CLEC2B: variants seen among roughly 807,000 people sequenced by gnomAD.
The protein encoded by CLEC2B is C-type lectin domain family 2 member B.
A neutral mutation model predicts 16.2 loss-of-function variants in CLEC2B; 14 were observed. The ratio of observed to expected loss-of-function variants is 0.86; its 90% CI spans 0.57 to 1.35. The LOEUF (loss-of-function observed/expected upper bound fraction) is 1.35, where lower values mean the gene tolerates loss of function less well. CLEC2B is among the 40% of genes most tolerant of loss of function. CLEC2B has a pLI of 0.00. For missense variants in CLEC2B, 166 were observed against 182.3 expected (o/e 0.91, Z 0.52); for synonymous variants, 42 against 55.8 (o/e 0.75, Z 1.10).
chr12:9,868,077 ATATG>A (rs919644075), intron 1 of CLEC2B, among the ~76,000 whole-genome samples: 2 of 150,494 alleles, frequency 1.3e-5, no homozygotes, highest in African/African-American at 2.4e-5. Context: ...TTTCAGATAT[ATATG>A]TATCTATAAT....
At chr12:9,865,463 A>T (rs1207642753) in intron 1 of CLEC2B, among the ~76,000 whole-genome samples, 1 of 152,210 alleles carries the variant, frequency 6.6e-6, no homozygotes, top group African/African-American at 2.4e-5. Flanking sequence ...GCAAGAGGAT[A>T]TGACAGTTCT....
At chr12:9,863,750 G>A (rs995452635) in intron 1 of CLEC2B, among the ~76,000 whole-genome samples, 1 of 151,614 alleles carries the variant, frequency 6.6e-6, no homozygotes, top group Non-Finnish European at 1.5e-5. Context: ...AAATACACAA[G>A]GAAAGGAGAA....
intron 1 of CLEC2B, among the ~76,000 whole-genome samples, chr12:9,867,697 T>C (rs75257612): frequency 0.026 from 3,921 of 152,244 alleles, 69 homozygotes; most frequent in Middle Eastern, 0.044. Context: ...GATGAGGCTA[T>C]GCTTAAAAGG....
In CLEC2B at chr12:9,862,578, A is replaced by G. The variant is rs253146; in HGVS notation, c.-2-5T>C. On this transcript the variant is annotated splice_polypyrimidine_tract_variant and splice_region_variant and intron_variant, in intron 1 of 4. Coordinates refer to ENST00000228438, the MANE Select transcript of CLEC2B (RefSeq NM_005127.3). Reference sequence around the variant, plus strand: ...TTTTATGTTTGGTCATCATACCTGAAAAATAAAAATAAAGACATTTAGGAG... The same window carrying G: ...TTTTATGTTTGGTCATCATACCTGAGAAATAAAAATAAAGACATTTAGGAG... 831,753 of 1,444,592 alleles carry G rather than the reference A, an allele frequency of 0.58. 241,679 individuals carry two copies. Among genetic ancestry groups the G allele is most frequent in the African/African-American group, 0.65 (43,976 of 67,740 alleles). The allele number at this position is 1,444,592 out of a possible 1,614,324, so 89.5% of individuals were successfully genotyped here. A position where few individuals can be genotyped will look rare whatever the true frequency, so the allele number is the denominator to read the frequency against.
At chr12:9,864,996 A>G (rs1429353278) in intron 1 of CLEC2B, among the ~76,000 whole-genome samples, 1 of 152,090 alleles carries the variant, frequency 6.6e-6, no homozygotes, top group Non-Finnish European at 1.5e-5. Context: ...TAGCCTGTCC[A>G]ACATAACGAA....
chr12:9,862,392 T>C, intron 2 of CLEC2B, 107 bp downstream of exon 2: 1 of 989,824 alleles, frequency 1.0e-6, no homozygotes, highest in Middle Eastern at 2.4e-4. Context: ...TGTTATCATG[T>C]ATAATGGGAA....
chr12:9,853,250 T>C lies in CLEC2B; in HGVS notation c.*50A>G. 1.4e-6 allele frequency: 2 copies of C among 1,402,688 alleles called. No individual in the cohort carries two copies. Among genetic ancestry groups the C allele is most frequent in the Non-Finnish European group, 2.0e-6 (2 of 994,644 alleles). 86.9% of individuals were successfully genotyped at this position (1,402,688 alleles called of 1,614,324 possible). Reference sequence around the variant, plus strand: ...AATTAAAAAAGTACTTTGCTGGTTTTACACTTAATAATGTTATTTTCTATT... The same window carrying C: ...AATTAAAAAAGTACTTTGCTGGTTTCACACTTAATAATGTTATTTTCTATT... On this transcript the variant is annotated 3_prime_UTR_variant, in exon 5 of 5. Transcript: ENST00000228438.
In CLEC2B at chr12:9,853,230, A is replaced by T; in HGVS notation, c.*70T>A. 8.1e-7 allele frequency: 1 copy of T among 1,239,454 alleles called. No homozygotes were observed. Among genetic ancestry groups the T allele is most frequent in the South Asian group, 1.3e-5 (1 of 79,676 alleles). 76.8% of individuals were successfully genotyped at this position (1,239,454 alleles called of 1,614,324 possible). On this transcript the variant is annotated 3_prime_UTR_variant, in exon 5 of 5. Transcript: ENST00000228438. ...ACAAAACTCGAACTTTGTTTAATTA[A>T]AAAAGTACTTTGCTGGTTTTACACT... is the stretch of plus-strand genomic sequence containing the variant.
At chr12:9,854,246 TATA>T (rs1407469898) in intron 4 of CLEC2B, 132 bp downstream of exon 4, 32 of 562,762 alleles carry the variant, frequency 5.7e-5, no homozygotes, top group African/African-American at 1.2e-4. Context: ...TGAATCTCAA[TATA>T]TATTCAATCC....
chr12:9,856,373 C>T (rs776231514), intron 3 of CLEC2B, among the ~76,000 whole-genome samples: 2 of 152,048 alleles, frequency 1.3e-5, no homozygotes, highest in African/African-American at 2.4e-5. Flanking sequence ...TCAGCAGTGA[C>T]GTTATTGACT....
chr12:9,865,981 A>G (rs1430041191), intron 1 of CLEC2B, among the ~76,000 whole-genome samples: 2 of 152,130 alleles, frequency 1.3e-5, no homozygotes, highest in African/African-American at 4.8e-5. Context: ...ATAAACTAAA[A>G]TCTGTGGAAT....
At chr12:9,861,815 T>C (rs1014457767) in intron 2 of CLEC2B, among the ~76,000 whole-genome samples, 3 of 152,152 alleles carry the variant, frequency 2.0e-5, no homozygotes, top group African/African-American at 7.2e-5. Context: ...AAATGAACAA[T>C]ATTTTGTGAC....
intron 1 of CLEC2B, among the ~76,000 whole-genome samples, chr12:9,864,595 A>G (rs183745192): frequency 1.3e-5 from 2 of 152,308 alleles, no homozygotes; most frequent in Non-Finnish European, 2.9e-5. Flanking sequence ...CTTTGTTGCT[A>G]TTCTTTGTGA....
intron 3 of CLEC2B, 92 bp downstream of exon 3, chr12:9,857,382 A>T: frequency 1.1e-6 from 1 of 920,624 alleles, no homozygotes; most frequent in Non-Finnish European, 1.7e-6. Flanking sequence ...GATAGGCATG[A>T]GTGAAAAGAC....
At chr12:9,868,650 G>C (rs1458354021) in intron 1 of CLEC2B, among the ~76,000 whole-genome samples, 3 of 152,018 alleles carry the variant, frequency 2.0e-5, no homozygotes. Context: ...AATGTTACCA[G>C]GTTGTTTCAT....
intron 2 of CLEC2B, among the ~76,000 whole-genome samples, chr12:9,858,008 A>T (rs1409159462): frequency 6.6e-6 from 1 of 152,080 alleles, no homozygotes; most frequent in East Asian, 1.9e-4. Context: ...ATGAATCTAA[A>T]CACATGATTT....
intron 1 of CLEC2B, among the ~76,000 whole-genome samples, chr12:9,864,406 C>G (rs1306985084): frequency 6.6e-6 from 1 of 152,062 alleles, no homozygotes; most frequent in Non-Finnish European, 1.5e-5. Context: ...ACCCAGAATA[C>G]TCTAATACTG....
At chr12:9,861,354 T>A (rs1176966793) in intron 2 of CLEC2B, among the ~76,000 whole-genome samples, 1 of 151,950 alleles carries the variant, frequency 6.6e-6, no homozygotes, top group Non-Finnish European at 1.5e-5. Context: ...CAGAAAAACG[T>A]CAATTAAAGC....
At chr12:9,859,087 A>G (rs1318914511) in intron 2 of CLEC2B, among the ~76,000 whole-genome samples, 1 of 152,020 alleles carries the variant, frequency 6.6e-6, no homozygotes, top group Non-Finnish European at 1.5e-5. Context: ...AAAACACAGT[A>G]GCATCCAAAC....
Sources: allele counts gnomAD v4.1 joint callset (sites outside exome capture counted in the v4.1 genomes callset), GRCh38; gene constraint gnomAD v4.1.1; transcripts MANE v1.5; gene names NCBI Gene and HGNC (gene_info 2026-07-23, HGNC 2026-07-21).